Variants in TMC7 observed in about 807,000 individuals in gnomAD.
The protein encoded by TMC7 is transmembrane channel-like protein 7.
Under a neutral mutation model 82.9 loss-of-function variants are expected in TMC7, and 54 were observed. The ratio of observed to expected loss-of-function variants is 0.65; its 90% CI spans 0.52 to 0.82. The LOEUF is 0.82. TMC7 is among the 40% of genes least tolerant of loss of function. The probability of loss-of-function intolerance (pLI) is 0.00; values close to 1 mark genes in which losing one functional copy is unlikely to be tolerated. For missense variants in TMC7, 820 were observed against 901.2 expected (o/e 0.91, Z 1.15); for synonymous variants, 350 against 337.9 (o/e 1.04, Z -0.39).
intron 11 of TMC7, among the ~76,000 whole-genome samples, chr16:19,045,657 C>A (rs1000886011): frequency 1.4e-5 from 2 of 142,572 alleles, no homozygotes; most frequent in African/African-American, 5.3e-5. Context: ...AGTGCAGTGG[C>A]GCGATCTTGG....
intron 1 of TMC7, among the ~76,000 whole-genome samples, chr16:19,007,573 C>G (rs1006692533): frequency 6.6e-6 from 1 of 152,182 alleles, no homozygotes; most frequent in Admixed American, 6.5e-5. Flanking sequence ...CTCACCCCTT[C>G]CCTTCATTCA....
intron 15 of TMC7, among the ~76,000 whole-genome samples, chr16:19,060,236 ACT>A (rs1481578922): frequency 6.6e-6 from 1 of 151,814 alleles, no homozygotes; most frequent in Non-Finnish European, 1.5e-5. Context: ...ACGGGGTCTC[ACT>A]CTCTCGCCCA....
chr16:19,019,928 T>C (rs1959882896), intron 3 of TMC7, among the ~76,000 whole-genome samples: 1 of 152,234 alleles, frequency 6.6e-6, no homozygotes, highest in African/African-American at 2.4e-5. Context: ...GGGTATCTTA[T>C]ATCTTCGGTC....
chr16:19,000,917 G>T (rs1333391666), intron 1 of TMC7, among the ~76,000 whole-genome samples: 1 of 152,146 alleles, frequency 6.6e-6, no homozygotes, highest in Non-Finnish European at 1.5e-5. Flanking sequence ...CTACTTGGGA[G>T]GCTGAGGCCA....
rs1386629410 is a variant in TMC7 at position 19,049,202 on chromosome 16, T to G, written c.1740+1953T>G. Reference sequence around the variant, plus strand: ...CCGTGCCAAGCTAATTTTTGTATTTTTAGTAGAGACAGCGTTTCACCATGT... The same window carrying G: ...CCGTGCCAAGCTAATTTTTGTATTTGTAGTAGAGACAGCGTTTCACCATGT... On this transcript the variant is annotated intron_variant, in intron 12 of 15. Transcript: ENST00000304381. Among the ~76,000 whole-genome samples, 3 of 152,068 alleles carry G rather than the reference T, an allele frequency of 2.0e-5. No homozygotes were observed. In the East Asian group the frequency reaches 5.8e-4, roughly 29 times the overall value.
intron 1 of TMC7, among the ~76,000 whole-genome samples, chr16:18,988,499 C>T (rs1054484921): frequency 6.6e-6 from 1 of 151,980 alleles, no homozygotes; most frequent in African/African-American, 2.4e-5. Context: ...TTATGTTGTC[C>T]AGGCTGGTCC....
At chr16:19,007,061 G>T (rs1222408226) in intron 1 of TMC7, among the ~76,000 whole-genome samples, 1 of 151,888 alleles carries the variant, frequency 6.6e-6, no homozygotes, top group Non-Finnish European at 1.5e-5. Context: ...CCCACCTCAG[G>T]TGATCCGCCT....
chr16:19,042,427 A>G (rs1341094283), intron 9 of TMC7, among the ~76,000 whole-genome samples: 1 of 151,640 alleles, frequency 6.6e-6, no homozygotes, highest in Admixed American at 6.6e-5. Context: ...CTCCCACCTC[A>G]GCCTCCCAAA....
At chr16:19,017,058 G>A (rs1332321894) in intron 3 of TMC7, among the ~76,000 whole-genome samples, 1 of 152,058 alleles carries the variant, frequency 6.6e-6, no homozygotes, top group Non-Finnish European at 1.5e-5. Context: ...GGTAGTGCAT[G>A]CCTGTAATCC....
intron 12 of TMC7, among the ~76,000 whole-genome samples, chr16:19,049,172 C>T (rs541862470): frequency 2.6e-5 from 4 of 152,172 alleles, no homozygotes; most frequent in African/African-American, 9.6e-5. Flanking sequence ...TACAGGCATG[C>T]GCCACCGTGC....
At chr16:18,991,525 C>T (rs1328678526) in intron 1 of TMC7, among the ~76,000 whole-genome samples, 2 of 151,964 alleles carry the variant, frequency 1.3e-5, no homozygotes, top group Admixed American at 6.6e-5. Context: ...GAGGCCTCGG[C>T]GATTTTGGAG....
In TMC7 at chr16:18,984,124, C is replaced by G. The variant is rs531602219; in HGVS notation, c.61C>G (p.His21Asp). ...CAGGCCCAGCCGGCAGCCGGCGGTCCATCCAGGTAGGGCGGCAGGGAGCGC... is the reference window on the plus strand; with the variant it reads ...CAGGCCCAGCCGGCAGCCGGCGGTCGATCCAGGTAGGGCGGCAGGGAGCGC... ...PGRPSRQPAV[H>D]PENLSLDSSC... Residue 21 changes from histidine (H) to aspartate (D), a missense_variant, in exon 1 of 16, where the codon CAT becomes GAT. His to Asp is a moderately conservative substitution (Grantham distance 81). Coordinates refer to ENST00000304381, the MANE Select transcript of TMC7 (RefSeq NM_024847.4). The G allele has an allele frequency of 2.3e-5, 34 of 1,502,314 alleles. No individual in the cohort carries two copies. The African/African-American group carries it at 4.1e-4, about 18-fold the overall frequency. The allele number at this position is 1,502,314 out of a possible 1,614,324, so 93.1% of individuals were successfully genotyped here. A position where few individuals can be genotyped will look rare whatever the true frequency, so the allele number is the denominator to read the frequency against.
intron 1 of TMC7, among the ~76,000 whole-genome samples, chr16:18,985,906 T>C (rs1332965966): frequency 6.6e-6 from 1 of 152,082 alleles, no homozygotes; most frequent in Middle Eastern, 3.4e-3. Flanking sequence ...TGGTGACTCA[T>C]GCCTGTAATC....
chr16:19,036,181 GAATGTTATGAC>G (rs1263861440), intron 7 of TMC7, among the ~76,000 whole-genome samples: 1 of 152,154 alleles, frequency 6.6e-6, no homozygotes, highest in Non-Finnish European at 1.5e-5. Flanking sequence ...AGTGAGGAGG[GAATGTTATGAC>G]AATAGTGTGA....
At chr16:19,039,125 CTG>C (rs1960894396) in intron 8 of TMC7, among the ~76,000 whole-genome samples, 2 of 141,200 alleles carry the variant, frequency 1.4e-5, no homozygotes, top group Non-Finnish European at 3.0e-5. Context: ...GAGTCTCACT[CTG>C]TCACCCAGGC....
intron 1 of TMC7, among the ~76,000 whole-genome samples, chr16:19,003,405 T>TG (rs1380356722): frequency 1.0e-4 from 14 of 138,142 alleles, no homozygotes; most frequent in East Asian, 2.2e-4. Flanking sequence ...GGGAGGGAGG[T>TG]GGGGGGGGTC....
chr16:18,988,306 C>T (rs767385383), intron 1 of TMC7, among the ~76,000 whole-genome samples: 4 of 151,882 alleles, frequency 2.6e-5, no homozygotes, highest in Non-Finnish European at 2.9e-5. Context: ...AGGTGTGTGC[C>T]ACCAGGCCTG....
chr16:19,056,595 A>G lies in TMC7; in HGVS notation c.1925A>G (p.Glu642Gly). Residue 642 changes from glutamate to glycine, a missense_variant, in exon 14 of 16, where the codon GAG becomes GGG. This residue lies in a region of TMC7 where 170 missense variants were observed against 231.3 expected (regional missense o/e 0.74). Transcript: ENST00000304381. ...GPFTNFNTTWEVIPKTVSTFP... is the reference protein window; with the variant it reads ...GPFTNFNTTWGVIPKTVSTFP... ...TTCACCAACTTCAACACCACCTGGGAGGTCATCCCCAAGACGGTGAGCACC... is the reference window on the plus strand; with the variant it reads ...TTCACCAACTTCAACACCACCTGGGGGGTCATCCCCAAGACGGTGAGCACC... 1 of 1,614,066 alleles carries G rather than the reference A, an allele frequency of 6.2e-7. No homozygotes were observed. The highest frequency in any genetic ancestry group is 8.5e-7 in the Non-Finnish European group (1 of 1,180,010).
intron 1 of TMC7, among the ~76,000 whole-genome samples, chr16:18,987,956 C>A (rs957397618): frequency 1.3e-5 from 2 of 152,216 alleles, no homozygotes; most frequent in East Asian, 1.9e-4. Flanking sequence ...ACGGTAGAGG[C>A]AAAACTCAAC....
Sources: allele counts gnomAD v4.1 joint callset (sites outside exome capture counted in the v4.1 genomes callset), GRCh38; gene constraint gnomAD v4.1.1; regional missense constraint gnomAD v4.1.1; transcripts MANE v1.5; gene names NCBI Gene and HGNC (gene_info 2026-07-23, HGNC 2026-07-21).